Variants in FAF1 observed in about 807,000 individuals in gnomAD.
FAF1 encodes Fas associated factor 1.
Under a neutral mutation model 92.5 loss-of-function variants are expected in FAF1, and 25 were observed. The observed-to-expected ratio is 0.27, with a 90% CI of 0.20 to 0.38. The LOEUF is 0.38. FAF1 is among the 10% of genes least tolerant of loss of function. The pLI is 1.00. For synonymous variants in FAF1, 234 were observed against 273.2 expected, an observed-to-expected ratio of 0.86 and a Z score of 1.42; for missense variants, 636 against 793.3, an observed-to-expected ratio of 0.80 and a Z score of 2.38.
At chr1:50,556,395 T>C (rs1479236801) in intron 13 of FAF1, among the ~76,000 whole-genome samples, 3 of 151,258 alleles carry the variant, frequency 2.0e-5, no homozygotes, top group East Asian at 1.9e-4. Context: ...AGGGGGAAAA[T>C]AGGAAGGAGG....
At chr1:50,470,679 A>G (rs1292031659) in intron 18 of FAF1, 1 of 152,232 alleles carries the variant, frequency 6.6e-6, no homozygotes, top group African/African-American at 2.4e-5. Flanking sequence ...ATTTATATTC[A>G]CTTAATATAA....
At chr1:50,645,268 G>A (rs1355967236) in intron 8 of FAF1, among the ~76,000 whole-genome samples, 1 of 152,176 alleles carries the variant, frequency 6.6e-6, no homozygotes, top group Non-Finnish European at 1.5e-5. Context: ...AATTTAAATA[G>A]CATAAGATGA....
rs143353186 is a variant in FAF1 at position 50,678,236 on chromosome 1, T to C, written c.658-22708A>G. Among the ~76,000 whole-genome samples, 507 of 152,294 alleles carry C rather than the reference T, an allele frequency of 3.3e-3. 6 individuals are homozygous for C. The highest frequency in any genetic ancestry group is 0.011 in the African/African-American group (469 of 41,550). Reference sequence around the variant, plus strand: ...TGATGCTGTTTGAACTTATGAAAGATTGGAGAAATTCCTATGCAGTTTTTA... The same window carrying C: ...TGATGCTGTTTGAACTTATGAAAGACTGGAGAAATTCCTATGCAGTTTTTA... On this transcript the variant is annotated intron_variant, in intron 7 of 18. Coordinates refer to ENST00000396153, the MANE Select transcript of FAF1 (RefSeq NM_007051.3).
intron 14 of FAF1, among the ~76,000 whole-genome samples, chr1:50,538,640 C>T (rs2149039598): frequency 6.6e-6 from 1 of 151,262 alleles, no homozygotes; most frequent in East Asian, 2.0e-4. Context: ...CTGATGTCTA[C>T]AAACCACACC....
At chr1:50,582,827 T>G in intron 11 of FAF1, 128 bp from the exon 12 acceptor site, 1 of 619,944 alleles carries the variant, frequency 1.6e-6, no homozygotes. Flanking sequence ...ATAAAAACAT[T>G]TCTTTAAAAG....
At chr1:50,692,358 T>A (rs1257584218) in intron 7 of FAF1, among the ~76,000 whole-genome samples, 1 of 149,328 alleles carries the variant, frequency 6.7e-6, no homozygotes, top group Non-Finnish European at 1.5e-5. Context: ...CTAAATATAG[T>A]CACCCTGCTG....
chr1:50,612,241 T>C (rs150784621), intron 8 of FAF1: 1 of 455,374 alleles, frequency 2.2e-6, no homozygotes, highest in Non-Finnish European at 3.4e-6. Flanking sequence ...TAGGATCTTA[T>C]CAAAACAAGC....
At chr1:50,720,344 A>G (rs1658356430) in intron 6 of FAF1, among the ~76,000 whole-genome samples, 1 of 152,198 alleles carries the variant, frequency 6.6e-6, no homozygotes, top group South Asian at 2.1e-4. Context: ...AAAATCTAAC[A>G]ATGATGCTCA....
rs375448375 is a variant in FAF1 at position 50,933,169 on chromosome 1, T to C, written c.45+26598A>G. ...GTAACATTAGGCTCCTTGCTACTTA[T>C]GCAAATTTCTGCAGCCAACTTGAAT... On this transcript the variant is annotated intron_variant, in intron 1 of 18. Coordinates refer to ENST00000396153, the MANE Select transcript of FAF1 (RefSeq NM_007051.3). 1.8e-4 allele frequency among the ~76,000 whole-genome samples: 28 copies of C among 152,354 alleles called. No homozygotes were observed. The South Asian group carries it at 4.6e-3, about 25-fold the overall frequency.
intron 4 of FAF1, among the ~76,000 whole-genome samples, chr1:50,750,996 G>T (rs1659842706): frequency 1.3e-5 from 2 of 148,272 alleles, no homozygotes; most frequent in Non-Finnish European, 1.5e-5. Context: ...ACATGAAATG[G>T]GTGTTGAATA....
intron 2 of FAF1, among the ~76,000 whole-genome samples, chr1:50,850,146 A>G (rs182821442): frequency 1.2e-4 from 18 of 152,154 alleles, no homozygotes; most frequent in African/African-American, 3.6e-4. Context: ...AAAAAAATTG[A>G]ATGGTCAACA....
intron 15 of FAF1, among the ~76,000 whole-genome samples, chr1:50,533,847 C>T (rs1199658308): frequency 6.6e-6 from 1 of 152,022 alleles, no homozygotes; most frequent in Non-Finnish European, 1.5e-5. Context: ...TTTCTAAATC[C>T]AGAAATTTCT....
intron 15 of FAF1, among the ~76,000 whole-genome samples, chr1:50,516,102 T>C (rs936613968): frequency 1.1e-4 from 16 of 152,124 alleles, no homozygotes; most frequent in African/African-American, 3.4e-4. Context: ...CACAGAAAGA[T>C]TAAGTGATTT....
intron 8 of FAF1, among the ~76,000 whole-genome samples, chr1:50,602,732 C>T (rs1478633804): frequency 1.3e-5 from 2 of 152,028 alleles, no homozygotes. Context: ...GAACTCCTCA[C>T]CTCAAGTGAT....
intron 2 of FAF1, among the ~76,000 whole-genome samples, chr1:50,826,823 C>G (rs1407189348): frequency 1.3e-5 from 2 of 152,172 alleles, no homozygotes; most frequent in Non-Finnish European, 2.9e-5. Flanking sequence ...CTTATATCTA[C>G]TAAAGATACC....
intron 1 of FAF1, among the ~76,000 whole-genome samples, chr1:50,915,675 C>T (rs1270993777): frequency 6.6e-6 from 1 of 152,010 alleles, no homozygotes; most frequent in African/African-American, 2.4e-5. Flanking sequence ...CAAATTCCAT[C>T]TTCACACAGT....
chr1:50,697,327 A>G (rs1046791287), intron 7 of FAF1, among the ~76,000 whole-genome samples: 1 of 152,186 alleles, frequency 6.6e-6, no homozygotes, highest in Non-Finnish European at 1.5e-5. Flanking sequence ...TAACAGTTCT[A>G]TTGCTTTTAA....
At chr1:50,879,434 A>G (rs1002765966) in intron 1 of FAF1, among the ~76,000 whole-genome samples, 1 of 152,174 alleles carries the variant, frequency 6.6e-6, no homozygotes, top group South Asian at 2.1e-4. Context: ...TATATGTACA[A>G]ACAATTAGCT....
chr1:50,559,286 T>C (rs1649753359), intron 13 of FAF1, among the ~76,000 whole-genome samples: 1 of 152,200 alleles, frequency 6.6e-6, no homozygotes, highest in African/African-American at 2.4e-5. Flanking sequence ...TTTAAGAATG[T>C]TGAATGTACT....
Sources: gnomAD v4.1 joint callset for allele counts (sites outside exome capture counted in the v4.1 genomes callset) on GRCh38, gnomAD v4.1.1 for gene constraint, MANE v1.5 for transcripts, NCBI Gene and HGNC (gene_info 2026-07-23, HGNC 2026-07-21) for gene names.